The following HECW2 variants were observed in gnomAD, a reference collection of about 807,000 sequenced individuals.
HECW2 encodes E3 ubiquitin-protein ligase HECW2.
Under a neutral mutation model 175.2 loss-of-function variants are expected in HECW2, and 61 were observed. That is an observed-to-expected ratio of 0.35 (90% CI 0.28 to 0.43). The LOEUF (loss-of-function observed/expected upper bound fraction) is 0.43. HECW2 is among the 20% of genes least tolerant of loss of function. The pLI, the probability that HECW2 is intolerant of heterozygous loss-of-function variation, is 1.00. For synonymous variants in HECW2, 671 were observed against 731.0 expected, an observed-to-expected ratio of 0.92 and a Z score of 1.32; for missense variants, 1,524 against 2,000.5, an observed-to-expected ratio of 0.76 and a Z score of 4.54.
chr2:196,334,391 C>A, intron 4 of HECW2, 33 bp downstream of exon 4: 1 of 1,519,792 alleles, frequency 6.6e-7, no homozygotes, highest in Non-Finnish European at 9.0e-7. Flanking sequence ...CAGCATGGAT[C>A]TCACAAGGAA....
intron 1 of HECW2, among the ~76,000 whole-genome samples, chr2:196,520,799 G>A (rs916401851): frequency 3.0e-4 from 45 of 152,140 alleles, no homozygotes; most frequent in African/African-American, 1.0e-3. Flanking sequence ...AAAACAGGTA[G>A]GTCAGAGGGG....
intron 10 of HECW2, among the ~76,000 whole-genome samples, chr2:196,314,247 A>G (rs1365228905): frequency 6.6e-6 from 1 of 152,246 alleles, no homozygotes; most frequent in Admixed American, 6.5e-5. Context: ...CTATCCCAGA[A>G]GAAGAGAAAG....
At chr2:196,493,070 C>T (rs536464907) in intron 1 of HECW2, among the ~76,000 whole-genome samples, 74 of 152,156 alleles carry the variant, frequency 4.9e-4, no homozygotes, top group African/African-American at 1.6e-3. Flanking sequence ...CTAATAAGAT[C>T]GAAATTGGAT....
chr2:196,214,629 T>A (rs1277398279), intron 28 of HECW2, among the ~76,000 whole-genome samples: 1 of 152,186 alleles, frequency 6.6e-6, no homozygotes, highest in African/African-American at 2.4e-5. Context: ...AGGTAATACT[T>A]AGGTGTCTGG....
intron 1 of HECW2, among the ~76,000 whole-genome samples, chr2:196,461,611 C>T (rs899426239): frequency 5.6e-4 from 85 of 152,266 alleles, no homozygotes; most frequent in African/African-American, 1.9e-3. Flanking sequence ...GTTTAATTGA[C>T]TCACAGTTCA....
intron 17 of HECW2, among the ~76,000 whole-genome samples, chr2:196,266,168 TAAAA>T (rs56260949): frequency 0.054 from 7,251 of 135,172 alleles, 612 homozygotes; most frequent in African/African-American, 0.18. Flanking sequence ...CCATCTCTAT[TAAAA>T]AAAAAAAAAA....
chr2:196,331,031 G>T, intron 4 of HECW2: 1 of 444,268 alleles, frequency 2.3e-6, no homozygotes, highest in Non-Finnish European at 3.0e-6. Flanking sequence ...ACTAATCCAA[G>T]CAAAGTTGAG....
intron 2 of HECW2, among the ~76,000 whole-genome samples, chr2:196,351,632 T>C (rs892421262): frequency 6.6e-6 from 1 of 152,174 alleles, no homozygotes; most frequent in Admixed American, 6.5e-5. Flanking sequence ...ACTTACAAAT[T>C]TTCTTTTGCT....
chr2:196,266,777 G>C (rs550185826), intron 17 of HECW2, among the ~76,000 whole-genome samples: 3 of 152,188 alleles, frequency 2.0e-5, no homozygotes, highest in Non-Finnish European at 4.4e-5. Context: ...ATTCTGTATT[G>C]TTTGATAAAC....
chr2:196,555,219 C>T (rs1689753559), intron 1 of HECW2, among the ~76,000 whole-genome samples: 1 of 152,106 alleles, frequency 6.6e-6, no homozygotes, highest in Non-Finnish European at 1.5e-5. Context: ...TATTTATCAT[C>T]ATTATGGAGG....
intron 21 of HECW2, among the ~76,000 whole-genome samples, chr2:196,234,685 T>C (rs1310720941): frequency 1.3e-5 from 2 of 151,910 alleles, no homozygotes; most frequent in Non-Finnish European, 2.9e-5. Context: ...AGTATAATAA[T>C]AGAGCTGGAA....
rs1429990503 is a variant in HECW2 at position 196,579,979 on chromosome 2, C to G, written c.-36+13529G>C. Reference sequence around the variant, plus strand: ...GAGTGTGGTATTTTCTATGACAGCCCTAGCAAACCAATACAACATGATAAC... The same window carrying G: ...GAGTGTGGTATTTTCTATGACAGCCGTAGCAAACCAATACAACATGATAAC... On this transcript the variant is annotated intron_variant, in intron 1 of 28. Transcript: ENST00000644978. Among the ~76,000 whole-genome samples, 6 of 152,042 alleles carry G rather than the reference C, an allele frequency of 3.9e-5. No individual in the cohort carries two copies. The East Asian group carries it at 9.6e-4, about 24-fold the overall frequency.
chr2:196,410,312 G>C (rs1306818540), intron 2 of HECW2, among the ~76,000 whole-genome samples: 3 of 152,192 alleles, frequency 2.0e-5, no homozygotes, highest in African/African-American at 7.2e-5. Flanking sequence ...AATCCTAAAA[G>C]TGATGACAAG....
intron 1 of HECW2, among the ~76,000 whole-genome samples, chr2:196,442,880 T>C (rs570189693): frequency 7.9e-5 from 12 of 152,340 alleles, no homozygotes; most frequent in African/African-American, 2.6e-4. Context: ...GTTCCTACTA[T>C]TATTTATTTA....
At chr2:196,297,548 G>T (rs1690864806) in intron 13 of HECW2, among the ~76,000 whole-genome samples, 1 of 152,122 alleles carries the variant, frequency 6.6e-6, no homozygotes, top group Non-Finnish European at 1.5e-5. Flanking sequence ...TTTCCTTAGT[G>T]TTATGATGAC....
intron 2 of HECW2, among the ~76,000 whole-genome samples, chr2:196,417,485 G>GC (rs1559098500): frequency 6.6e-6 from 1 of 152,182 alleles, no homozygotes; most frequent in African/African-American, 2.4e-5. Flanking sequence ...TTGCTATGCT[G>GC]CCCAAGCTGG....
intron 1 of HECW2, among the ~76,000 whole-genome samples, chr2:196,447,731 G>GA (rs969454514): frequency 5.9e-5 from 9 of 152,022 alleles, no homozygotes; most frequent in African/African-American, 1.7e-4. Context: ...CAGTTTTCTT[G>GA]AAAAAAATGA....
At chr2:196,451,592 A>T (rs1696349744) in intron 1 of HECW2, among the ~76,000 whole-genome samples, 1 of 152,094 alleles carries the variant, frequency 6.6e-6, no homozygotes, top group Non-Finnish European at 1.5e-5. Flanking sequence ...CCCCATCCAT[A>T]AGATAAACAG....
chr2:196,257,983 T>A (rs951950548), intron 17 of HECW2, 77 bp from the exon 18 acceptor site: 15 of 1,015,788 alleles, frequency 1.5e-5, no homozygotes, highest in Non-Finnish European at 2.2e-5. Context: ...GAGCATTTTT[T>A]ATAATAGTCA....
Sources: gnomAD v4.1 joint callset for allele counts (sites outside exome capture counted in the v4.1 genomes callset) on GRCh38, gnomAD v4.1.1 for gene constraint, MANE v1.5 for transcripts, NCBI Gene and HGNC (gene_info 2026-07-23, HGNC 2026-07-21) for gene names.